Variants in SNX31 observed in about 807,000 individuals in gnomAD.
SNX31 encodes sorting nexin-31.
A neutral mutation model predicts 65.4 loss-of-function variants in SNX31; 58 were observed. The ratio of observed to expected loss-of-function variants is 0.89; its 90% CI spans 0.72 to 1.10. The LOEUF (loss-of-function observed/expected upper bound fraction) is 1.10. Among genes scored for constraint, SNX31 ranks in the 50% least tolerant of loss-of-function variants. The pLI, the probability that SNX31 is intolerant of heterozygous loss-of-function variation, is 0.00. For synonymous variants in SNX31, 181 were observed against 190.1 expected (o/e 0.95, Z 0.39); for missense variants, 523 against 529.7 (o/e 0.99, Z 0.12).
chr8:100,579,125 C>T (rs1813291431), intron 12 of SNX31, among the ~76,000 whole-genome samples: 1 of 152,236 alleles, frequency 6.6e-6, no homozygotes, highest in South Asian at 2.1e-4. Flanking sequence ...TACAGTGTTA[C>T]ATTAGGGTCC....
At chr8:100,650,319 C>A (rs1819924872), upstream of SNX31, among the ~76,000 whole-genome samples, 1 of 152,232 alleles carries the variant, frequency 6.6e-6, no homozygotes, top group African/African-American at 2.4e-5. Flanking sequence ...TGTTCTGTAG[C>A]AAGCCTGGGC....
intron 4 of SNX31, among the ~76,000 whole-genome samples, chr8:100,627,610 C>G (rs1346326694): frequency 1.3e-5 from 2 of 152,156 alleles, no homozygotes; most frequent in Admixed American, 1.3e-4. Context: ...GGCATGATCT[C>G]AGCTCACTGT....
intron 1 of SNX31, among the ~76,000 whole-genome samples, chr8:100,661,252 C>T (rs1042693017): frequency 2.0e-5 from 3 of 152,074 alleles, no homozygotes; most frequent in African/African-American, 4.8e-5. Flanking sequence ...GTGATCTGCC[C>T]GCCTCGGCCT....
At chr8:100,623,394 G>A (rs1817834589) in intron 4 of SNX31, among the ~76,000 whole-genome samples, 1 of 152,132 alleles carries the variant, frequency 6.6e-6, no homozygotes, top group Admixed American at 6.5e-5. Context: ...AATTCAACAT[G>A]GGATTTGGGG....
Position 100,573,808 on chromosome 8 carries a change from G to T in SNX31, c.*57C>A, listed in dbSNP as rs904190703. The stretch of plus-strand genomic sequence containing the variant: ...GTAGGTAGCCCACCTGAATCCCCAA[G>T]TTCTTTCACTGTCTTGAGATAGCCT... On this transcript the variant is annotated 3_prime_UTR_variant, in exon 14 of 14. Coordinates refer to ENST00000311812, the MANE Select transcript of SNX31 (RefSeq NM_152628.4). The T allele has an allele frequency of 1.5e-5, 19 of 1,264,350 alleles. No individual in the cohort carries two copies. The highest frequency in any genetic ancestry group is 2.1e-5 in the Non-Finnish European group (19 of 911,490). 78.3% of individuals were successfully genotyped at this position (1,264,350 alleles called of 1,614,324 possible). A position where few individuals can be genotyped will look rare whatever the true frequency, so the allele number is the denominator to read the frequency against.
At chr8:100,581,727 T>C (rs2130799995) in intron 12 of SNX31, among the ~76,000 whole-genome samples, 1 of 152,154 alleles carries the variant, frequency 6.6e-6, no homozygotes, top group Non-Finnish European at 1.5e-5. Flanking sequence ...CTTCTATAAG[T>C]GCTATGTGTC....
Position 100,613,203 on chromosome 8 carries a change from T to G in SNX31, c.433-118A>C, listed in dbSNP as rs2131040463. ...ATCAATAAAAAATGCTGTCATGGGT[T>G]AGTGAACACTCAAAGAAAGCTTTTT... On this transcript the variant is annotated intron_variant, in intron 5 of 13. Coordinates refer to ENST00000311812, the MANE Select transcript of SNX31 (RefSeq NM_152628.4). The surrounding 1 kb of genome is among the most constrained non-coding windows in gnomAD (Gnocchi z 5.2). The G allele has an allele frequency of 1.4e-6, 1 of 727,360 alleles. No homozygotes were observed. Among genetic ancestry groups the G allele is most frequent in the Admixed American group, 2.6e-5 (1 of 38,950 alleles). 45.1% of individuals were successfully genotyped at this position (727,360 alleles called of 1,614,324 possible).
At chr8:100,584,972 G>A (rs974085555) in intron 11 of SNX31, among the ~76,000 whole-genome samples, 4 of 151,842 alleles carry the variant, frequency 2.6e-5, no homozygotes, top group Admixed American at 1.3e-4. Context: ...TGATCCACCC[G>A]CCTCGCCTCC....
At chr8:100,617,419 C>G (rs572453874) in intron 5 of SNX31, among the ~76,000 whole-genome samples, 17 of 152,148 alleles carry the variant, frequency 1.1e-4, no homozygotes, top group Non-Finnish European at 1.8e-4. Context: ...AGGGTGAAAT[C>G]AAAGAGGCCC....
intron 9 of SNX31, among the ~76,000 whole-genome samples, chr8:100,599,282 A>G (rs970415618): frequency 2.0e-5 from 3 of 152,220 alleles, no homozygotes; most frequent in African/African-American, 7.2e-5. Context: ...GGGCATGGTA[A>G]GAACAATAGT....
At chr8:100,589,504 G>A (rs1315477709) in intron 10 of SNX31, among the ~76,000 whole-genome samples, 1 of 152,146 alleles carries the variant, frequency 6.6e-6, no homozygotes, top group Non-Finnish European at 1.5e-5. Flanking sequence ...AGGCTAGGAG[G>A]GCAAAGGAAG....
intron 2 of SNX31, among the ~76,000 whole-genome samples, chr8:100,641,877 G>A (rs1431437337): frequency 6.6e-6 from 1 of 151,022 alleles, no homozygotes; most frequent in East Asian, 2.0e-4. Context: ...AGGAGATCTA[G>A]ACCATCCTGG....
intron 4 of SNX31, among the ~76,000 whole-genome samples, chr8:100,623,263 A>G (rs1442458010): frequency 6.6e-6 from 1 of 151,892 alleles, no homozygotes; most frequent in African/African-American, 2.4e-5. Context: ...ACCAGATCTC[A>G]TGAGAACTCA....
rs1816838304 is a variant in SNX31, at chr8:100,612,896, C to T, written c.523+99G>A. 1 of 973,702 alleles carries T rather than the reference C, an allele frequency of 1.0e-6. No individual in the cohort carries two copies. The highest frequency in any genetic ancestry group is 1.6e-5 in the African/African-American group (1 of 62,318). 60.3% of individuals were successfully genotyped at this position (973,702 alleles called of 1,614,324 possible). ...TGAGAACAGTGGTAGGGATCACAGC[C>T]CAGTGGGTGGCCAGCCCCTCAGCTG... On this transcript the variant is annotated intron_variant, in intron 6 of 13. Coordinates refer to ENST00000311812, the MANE Select transcript of SNX31 (RefSeq NM_152628.4). The surrounding 1 kb of genome is among the most constrained non-coding windows in gnomAD (Gnocchi z 4.3).
intron 11 of SNX31, among the ~76,000 whole-genome samples, chr8:100,585,629 GCATTTGTGCAAA>G (rs1321197306): frequency 6.6e-6 from 1 of 152,118 alleles, no homozygotes; most frequent in Admixed American, 6.6e-5. Context: ...AACAGATGGG[GCATTTGTGCAAA>G]CATTTTGACT....
intron 10 of SNX31, among the ~76,000 whole-genome samples, chr8:100,596,229 T>C (rs1237138070): frequency 6.6e-6 from 1 of 152,150 alleles, no homozygotes; most frequent in East Asian, 1.9e-4. Flanking sequence ...GGGTTTCTCT[T>C]GGGAGAAGCT....
Position 100,613,053 on chromosome 8 carries a change from C to T in SNX31, c.465G>A (p.Glu155=), listed in dbSNP as rs1268287949. 4 of 1,614,062 alleles carry T rather than the reference C, an allele frequency of 2.5e-6. No homozygotes were observed. The highest frequency in any genetic ancestry group is 3.4e-6 in the Non-Finnish European group (4 of 1,180,004). Residue 155 remains glutamate, a synonymous_variant, in exon 6 of 14, where the codon GAG becomes GAA. Coordinates refer to ENST00000311812, the MANE Select transcript of SNX31 (RefSeq NM_152628.4). This position sits in a 1 kb window ranked among gnomAD's most constrained non-coding sequence, Gnocchi z 5.2. ...VVSHKIGLCR[E]LLGYFGLFLI... ...GAAAGAGGCCGAAGTAGCCCAAGAG[C>T]TCTCGACACAGTCCAATTTTGTGTG...
rs1587106103 is a variant in SNX31, at chr8:100,649,593, G to A, written c.-79C>T. On this transcript the variant is annotated 5_prime_UTR_variant, in exon 1 of 14. Transcript: ENST00000311812. ...GGTGCGCGGCTCTGAACTCGGCAGC[G>A]GTGGACGCAGCGCGGCCTGCCACGC... is the stretch of plus-strand genomic sequence containing the variant. The A allele has an allele frequency of 3.7e-6, 5 of 1,368,744 alleles. No homozygotes were observed. The highest frequency in any genetic ancestry group is 5.0e-6 in the Non-Finnish European group (5 of 994,662). 84.8% of individuals were successfully genotyped at this position (1,368,744 alleles called of 1,614,324 possible). A position where few individuals can be genotyped will look rare whatever the true frequency, so the allele number is the denominator to read the frequency against.
In SNX31 at chr8:100,632,311, TAAGG is replaced by T. The variant is rs1317190669; in HGVS notation, c.257-1924_257-1921del. On this transcript the variant is annotated intron_variant, in intron 3 of 13. Transcript: ENST00000311812. Reference sequence around the variant, plus strand: ...TTTGCTAAGACACGAGAAAACAAACTAAGGGAGAGTGAAAATTCAAAAGATATTA... The same window carrying T: ...TTTGCTAAGACACGAGAAAACAAACTGAGAGTGAAAATTCAAAAGATATTA... Among the ~76,000 whole-genome samples, 4 of 152,080 alleles carry T rather than the reference TAAGG, an allele frequency of 2.6e-5. No homozygotes were observed. The East Asian group carries it at 7.7e-4, about 29-fold the overall frequency.
Sources: allele counts gnomAD v4.1 joint callset (sites outside exome capture counted in the v4.1 genomes callset), GRCh38; gene constraint gnomAD v4.1.1; non-coding constraint Gnocchi (gnomAD v3.1); transcripts MANE v1.5; gene names NCBI Gene and HGNC (gene_info 2026-07-23, HGNC 2026-07-21).